The following GALNT18 variants were observed in gnomAD, a reference collection of about 807,000 sequenced individuals.
The protein encoded by GALNT18 is polypeptide N-acetylgalactosaminyltransferase 18.
In GALNT18, 44 loss-of-function variants were observed where a neutral mutation model predicts 69.5. The observed-to-expected ratio is 0.63, with a 90% CI of 0.50 to 0.81. GALNT18 has a LOEUF of 0.81. GALNT18 is among the 40% of genes least tolerant of loss of function. GALNT18 has a pLI of 0.00. For missense variants in GALNT18, 715 were observed against 810.0 expected (o/e 0.88, Z 1.42); for synonymous variants, 364 against 318.2 (o/e 1.14, Z -1.53).
chr11:11,293,402 C>T (rs1849340150), intron 9 of GALNT18, among the ~76,000 whole-genome samples: 1 of 152,164 alleles, frequency 6.6e-6, no homozygotes, highest in South Asian at 2.1e-4. Context: ...GTGTCTGGTC[C>T]ACCTGTATAA....
chr11:11,468,591 G>A (rs1590029861), intron 1 of GALNT18, among the ~76,000 whole-genome samples: 1 of 152,154 alleles, frequency 6.6e-6, no homozygotes. Flanking sequence ...GGTGAGGCTG[G>A]GGCTGCAGGG....
intron 2 of GALNT18, among the ~76,000 whole-genome samples, chr11:11,438,465 C>G (rs1202581719): frequency 2.0e-5 from 3 of 152,212 alleles, no homozygotes; most frequent in African/African-American, 7.2e-5. Flanking sequence ...CATGCTGAAA[C>G]TTGTTTAGAT....
At chr11:11,271,802 C>A (rs1233465953) in intron 10 of GALNT18, among the ~76,000 whole-genome samples, 1 of 152,210 alleles carries the variant, frequency 6.6e-6, no homozygotes, top group Non-Finnish European at 1.5e-5. Context: ...CCCCCTAAGT[C>A]CTGACATGCA....
intron 3 of GALNT18, among the ~76,000 whole-genome samples, chr11:11,431,959 A>G (rs1363881940): frequency 6.6e-6 from 1 of 152,238 alleles, no homozygotes; most frequent in Admixed American, 6.5e-5. Flanking sequence ...AAAGAATCAG[A>G]GACCAAGAAA....
chr11:11,394,838 T>A (rs749522002), intron 3 of GALNT18, among the ~76,000 whole-genome samples: 1 of 152,180 alleles, frequency 6.6e-6, no homozygotes. Flanking sequence ...GGCACCGTAA[T>A]GGGTTCCTCA....
chr11:11,348,783 C>T (rs1169000236), intron 6 of GALNT18, among the ~76,000 whole-genome samples: 2 of 152,190 alleles, frequency 1.3e-5, no homozygotes, highest in African/African-American at 2.4e-5. Context: ...CTTGCTAATT[C>T]CCACCTACCT....
At chr11:11,301,417 G>A (rs145376160) in intron 9 of GALNT18, among the ~76,000 whole-genome samples, 13 of 152,240 alleles carry the variant, frequency 8.5e-5, no homozygotes, top group Middle Eastern at 3.4e-3. Flanking sequence ...ACAGAAGTTC[G>A]CTACAGTGCT....
chr11:11,589,241 G>C (rs546225762), intron 1 of GALNT18, among the ~76,000 whole-genome samples: 1 of 152,176 alleles, frequency 6.6e-6, no homozygotes, highest in African/African-American at 2.4e-5. Context: ...GTGAGGAAGT[G>C]GGGGGAGAAG....
At chr11:11,293,544 T>TTTTC (rs1564883708) in intron 9 of GALNT18, among the ~76,000 whole-genome samples, 3 of 141,832 alleles carry the variant, frequency 2.1e-5, no homozygotes, top group African/African-American at 7.8e-5. Context: ...TTTTTTTTTT[T>TTTTC]TTTTTTTTTT....
chr11:11,432,667 T>G lies in GALNT18; in HGVS notation c.549A>C (p.Pro183=), dbSNP rs146246083. 97 of 1,612,300 alleles carry G rather than the reference T, an allele frequency of 6.0e-5. No homozygotes were observed. The highest frequency in any genetic ancestry group is 7.9e-5 in the Non-Finnish European group (93 of 1,179,362). Reference sequence around the variant, plus strand: ...CCAGAATGATCTCCTTGAGCAGATGTGGGGGCGTGCGTTCCATGGCCGAGT... The same window carrying G: ...CCAGAATGATCTCCTTGAGCAGATGGGGGGGCGTGCGTTCCATGGCCGAGT... ...SIHSAMERTP[P]HLLKEIILVD... is the part of the protein sequence containing the mutation. The change falls in exon 3 of 11, where the codon CCA becomes CCC. Residue 183 remains proline, a synonymous_variant. Transcript: ENST00000227756. This position sits in a 1 kb window ranked among gnomAD's most constrained non-coding sequence, Gnocchi z 5.8.
intron 9 of GALNT18, among the ~76,000 whole-genome samples, chr11:11,306,472 T>G (rs776869386): frequency 6.6e-5 from 10 of 152,246 alleles, no homozygotes; most frequent in South Asian, 4.1e-4. Flanking sequence ...CTATTTCACT[T>G]GCTCCAACAC....
intron 6 of GALNT18, chr11:11,353,387 T>C: frequency 1.8e-6 from 1 of 569,396 alleles, no homozygotes; most frequent in South Asian, 2.2e-5. Context: ...GCTCATCTAT[T>C]TACTCAGCAT....
In GALNT18 at chr11:11,332,406, C is replaced by T. The variant is rs1239081962; in HGVS notation, c.1416+288G>A. Among the ~76,000 whole-genome samples the T allele has an allele frequency of 6.6e-6, 1 of 152,108 alleles. No individual in the cohort carries two copies. The highest frequency in any genetic ancestry group is 6.5e-5 in the Admixed American group (1 of 15,274). On this transcript the variant is annotated intron_variant, in intron 8 of 10. Coordinates refer to ENST00000227756, the MANE Select transcript of GALNT18 (RefSeq NM_198516.3). This position sits in a 1 kb window ranked among gnomAD's most constrained non-coding sequence, Gnocchi z 4.3. ...TGTTACCTTACCTTTTAATCTTAAG[C>T]TAACTGCTTTATTATGTGTTTTATT...
chr11:11,277,594 G>C (rs1178837725), intron 10 of GALNT18, among the ~76,000 whole-genome samples: 1 of 151,930 alleles, frequency 6.6e-6, no homozygotes, highest in Non-Finnish European at 1.5e-5. Flanking sequence ...TTGATGTTAG[G>C]GTGTCAATTT....
At chr11:11,581,777 G>A (rs111574893) in intron 1 of GALNT18, among the ~76,000 whole-genome samples, 1 of 152,280 alleles carries the variant, frequency 6.6e-6, no homozygotes, top group African/African-American at 2.4e-5. Context: ...CAGGATAGAA[G>A]CAGCCAGGCA....
chr11:11,535,800 T>G (rs561691874), intron 1 of GALNT18, among the ~76,000 whole-genome samples: 1 of 152,312 alleles, frequency 6.6e-6, no homozygotes, highest in African/African-American at 2.4e-5. Context: ...CCCACCTTCC[T>G]CCTGCATCTG....
At chr11:11,399,151 G>A (rs1034327765) in intron 3 of GALNT18, among the ~76,000 whole-genome samples, 1 of 152,202 alleles carries the variant, frequency 6.6e-6, no homozygotes, top group Non-Finnish European at 1.5e-5. Context: ...TAAGAGTCAT[G>A]AGAGAGCTTC....
At chr11:11,509,960 C>A (rs569075028) in intron 1 of GALNT18, among the ~76,000 whole-genome samples, 44 of 152,294 alleles carry the variant, frequency 2.9e-4, no homozygotes, top group Admixed American at 1.3e-3. Flanking sequence ...TGGTCACATC[C>A]TCTGAGAAGC....
Position 11,340,879 on chromosome 11 carries a change from A to C in GALNT18, c.1218T>G (p.Ala406=). The change falls in exon 7 of 11, where the codon GCT becomes GCG. Residue 406 remains alanine (A), a synonymous_variant. Transcript: ENST00000227756. The surrounding 1 kb of genome is among the most constrained non-coding windows in gnomAD (Gnocchi z 4.2). ...AHVRRNALRV[A]EVWMDEFKSH... is the part of the protein sequence containing the mutation. ...TTTTAAATTCATCCATCCAGACTTC[A>C]GCCACCCTGAGAGCGTTCCTGCGGA... 1 of 1,613,964 alleles carries C rather than the reference A, an allele frequency of 6.2e-7. No homozygotes were observed. The highest frequency in any genetic ancestry group is 1.3e-5 in the African/African-American group (1 of 75,018).
Sources: allele counts gnomAD v4.1 joint callset (sites outside exome capture counted in the v4.1 genomes callset), GRCh38; gene constraint gnomAD v4.1.1; non-coding constraint Gnocchi (gnomAD v3.1); transcripts MANE v1.5; gene names NCBI Gene and HGNC (gene_info 2026-07-23, HGNC 2026-07-21).